The following IRF2 variants were observed in gnomAD, a reference collection of about 807,000 sequenced individuals.
IRF2 encodes interferon regulatory factor 2.
A neutral mutation model predicts 40.6 loss-of-function variants in IRF2; 15 were observed. The observed-to-expected ratio is 0.37, with a 90% CI of 0.25 to 0.57. The LOEUF is 0.57. IRF2 is among the 20% of genes least tolerant of loss of function. The pLI is 0.77. For synonymous variants in IRF2, 151 were observed against 165.5 expected (o/e 0.91, Z 0.67); for missense variants, 317 against 455.7 (o/e 0.70, Z 2.77).
At chr4:184,438,522 T>C (rs1286764107) in intron 1 of IRF2, among the ~76,000 whole-genome samples, 1 of 152,144 alleles carries the variant, frequency 6.6e-6, no homozygotes, top group African/African-American at 2.4e-5. Context: ...TATAAAAACA[T>C]TGCACTAGGC....
intron 1 of IRF2, among the ~76,000 whole-genome samples, chr4:184,455,549 C>G (rs1000957699): frequency 2.6e-5 from 4 of 151,720 alleles, no homozygotes; most frequent in Non-Finnish European, 4.4e-5. Flanking sequence ...TCACTCATCC[C>G]AAAATACCGA....
At chr4:184,458,108 A>G (rs1046859473) in intron 1 of IRF2, among the ~76,000 whole-genome samples, 1 of 152,174 alleles carries the variant, frequency 6.6e-6, no homozygotes, top group African/African-American at 2.4e-5. Context: ...ACCAGATGAC[A>G]TTGCCTCCCT....
chr4:184,414,453 TA>T (rs973667515), intron 5 of IRF2, among the ~76,000 whole-genome samples: 1 of 152,208 alleles, frequency 6.6e-6, no homozygotes, highest in African/African-American at 2.4e-5. Context: ...GCCATCCTCC[TA>T]CACCTCAGCC....
chr4:184,434,522 G>C (rs1738009635), intron 1 of IRF2, among the ~76,000 whole-genome samples: 1 of 152,162 alleles, frequency 6.6e-6, no homozygotes, highest in African/African-American at 2.4e-5. Context: ...TTCAAAGTAA[G>C]TAAAAGAGTT....
At chr4:184,430,793 T>C (rs1737851013) in intron 1 of IRF2, among the ~76,000 whole-genome samples, 1 of 152,064 alleles carries the variant, frequency 6.6e-6, no homozygotes, top group Non-Finnish European at 1.5e-5. Flanking sequence ...CCTCCTGGGC[T>C]CAAGCGATTT....
intron 6 of IRF2, among the ~76,000 whole-genome samples, chr4:184,403,869 C>T (rs1736756819): frequency 6.6e-6 from 1 of 152,062 alleles, no homozygotes; most frequent in African/African-American, 2.4e-5. Context: ...CACTAAGTTT[C>T]TCCAGTTTAT....
At chr4:184,407,757 T>G (rs928097109) in intron 6 of IRF2, among the ~76,000 whole-genome samples, 4 of 152,234 alleles carry the variant, frequency 2.6e-5, no homozygotes, top group Non-Finnish European at 5.9e-5. Context: ...CATGTCTCTG[T>G]GCCTCAGTTT....
chr4:184,421,844 C>T (rs956642078), intron 2 of IRF2, among the ~76,000 whole-genome samples: 1 of 152,162 alleles, frequency 6.6e-6, no homozygotes, highest in African/African-American at 2.4e-5. Flanking sequence ...AAATGTGCAA[C>T]AGGCCTGAGT....
In IRF2 at chr4:184,448,805, C is replaced by G. The variant is rs1056503861; in HGVS notation, c.-6-19735G>C. On this transcript the variant is annotated intron_variant, in intron 1 of 8. Coordinates refer to ENST00000393593, the MANE Select transcript of IRF2 (RefSeq NM_002199.4). This position sits in a 1 kb window ranked among gnomAD's most constrained non-coding sequence, Gnocchi z 4.3. ...AAATCTGGCATTCCCAGAATAGTTT[C>G]ATTTTCGATCATGACAACAGTTCCC... The G allele has an allele frequency of 2.0e-5, 3 of 152,236 alleles. No individual in the cohort carries two copies. Among genetic ancestry groups the G allele is most frequent in the African/African-American group, 4.8e-5 (2 of 41,452 alleles). 9.4% of individuals were successfully genotyped at this position (152,236 alleles called of 1,614,324 possible). A position where few individuals can be genotyped will look rare whatever the true frequency, so the allele number is the denominator to read the frequency against.
In IRF2 at chr4:184,398,955, C is replaced by T. The variant is rs73005101; in HGVS notation, c.654G>A (p.Glu218=). 3.8e-4 allele frequency: 610 copies of T among 1,612,850 alleles called. 2 individuals carry two copies. The African/African-American group carries it at 7.4e-3, about 20-fold the overall frequency. Residue 218 remains glutamate, a synonymous_variant, in exon 7 of 9, where the codon GAG becomes GAA. Transcript: ENST00000393593. The stretch of plus-strand genomic sequence containing the variant: ...CGGGGGAGATCTGCAGAGGGTAGAG[C>T]TCGCTCATGCTGACCGGCTGCTCGT... ...ESDEQPVSMS[E]LYPLQISPVS...
chr4:184,393,798 C>T (rs1327161314), intron 7 of IRF2, among the ~76,000 whole-genome samples: 1 of 152,082 alleles, frequency 6.6e-6, no homozygotes, highest in African/African-American at 2.4e-5. Flanking sequence ...GAGCAGAGAA[C>T]CCTGAACCTC....
intron 6 of IRF2, among the ~76,000 whole-genome samples, chr4:184,404,791 G>A (rs1561089057): frequency 1.3e-5 from 2 of 152,186 alleles, no homozygotes; most frequent in Non-Finnish European, 2.9e-5. Flanking sequence ...AGGTGCCTGG[G>A]CCAGGCTGTC....
chr4:184,416,151 A>C (rs1737258256), intron 5 of IRF2, among the ~76,000 whole-genome samples: 1 of 152,070 alleles, frequency 6.6e-6, no homozygotes, highest in Non-Finnish European at 1.5e-5. Context: ...CCTCTATAAA[A>C]GAAAATTTTT....
intron 2 of IRF2, among the ~76,000 whole-genome samples, chr4:184,425,046 C>A (rs1259578662): frequency 6.6e-6 from 1 of 152,224 alleles, no homozygotes; most frequent in African/African-American, 2.4e-5. Context: ...ATAGCCAAGG[C>A]ACTGGTGCAT....
chr4:184,449,058 C>T (rs995841202), intron 1 of IRF2: 2 of 152,554 alleles, frequency 1.3e-5, no homozygotes, highest in African/African-American at 4.8e-5. Context: ...ACACTGAGAA[C>T]AGAAACCGAA....
intron 1 of IRF2, among the ~76,000 whole-genome samples, chr4:184,458,576 C>T (rs1366180045): frequency 6.6e-6 from 1 of 152,088 alleles, no homozygotes; most frequent in Non-Finnish European, 1.5e-5. Flanking sequence ...AAATCGTTGC[C>T]CCAAGCCTGA....
At chr4:184,439,561 T>C (rs143549547) in intron 1 of IRF2, among the ~76,000 whole-genome samples, 2 of 152,254 alleles carry the variant, frequency 1.3e-5, no homozygotes, top group African/African-American at 4.8e-5. Context: ...ATAGATTTCA[T>C]CATTAATGGA....
intron 2 of IRF2, among the ~76,000 whole-genome samples, chr4:184,424,192 A>C (rs1737586159): frequency 6.6e-6 from 1 of 152,200 alleles, no homozygotes; most frequent in African/African-American, 2.4e-5. Flanking sequence ...ATTTGCAAAT[A>C]CCCATAACCA....
intron 1 of IRF2, among the ~76,000 whole-genome samples, chr4:184,439,583 T>C (rs1050588581): frequency 2.0e-5 from 3 of 152,128 alleles, no homozygotes; most frequent in African/African-American, 7.2e-5. Context: ...TAGAAACGTA[T>C]ATGAAATCAA....
Sources: allele counts gnomAD v4.1 joint callset (sites outside exome capture counted in the v4.1 genomes callset), GRCh38; gene constraint gnomAD v4.1.1; non-coding constraint Gnocchi (gnomAD v3.1); transcripts MANE v1.5; gene names NCBI Gene and HGNC (gene_info 2026-07-23, HGNC 2026-07-21).